The following GRK1 variants were observed in gnomAD, a reference collection of about 807,000 sequenced individuals.
The protein encoded by GRK1 is rhodopsin kinase GRK1.
GRK1 carries 28 observed loss-of-function variants against 41.7 expected under a neutral mutation model. The ratio of observed to expected loss-of-function variants is 0.67; its 90% CI spans 0.50 to 0.92. The LOEUF (loss-of-function observed/expected upper bound fraction) is 0.92. Ranked by LOEUF, GRK1 falls within the 40% of genes least tolerant of loss-of-function variation. GRK1 has a pLI of 0.00. For missense variants in GRK1, 703 were observed against 671.2 expected, an observed-to-expected ratio of 1.05 and a Z score of -0.52; for synonymous variants, 327 against 286.7, an observed-to-expected ratio of 1.14 and a Z score of -1.42.
chr13:113,663,786 G>T (rs2049802348), upstream of GRK1, among the ~76,000 whole-genome samples: 1 of 152,198 alleles, frequency 6.6e-6, no homozygotes, highest in South Asian at 2.1e-4. Context: ...AAACAAGACT[G>T]TGGCAGCGCT....
At chr13:113,728,390 A>T (rs2049909151) in intron 4 of GRK1, among the ~76,000 whole-genome samples, 1 of 136,312 alleles carries the variant, frequency 7.3e-6, no homozygotes, top group Non-Finnish European at 1.5e-5. Context: ...AGGAGTACCC[A>T]TGGCGATGAG....
At chr13:113,656,058 C>T in the GRK1 span, among the ~76,000 whole-genome samples, 1,373 of 152,364 alleles carry the variant, frequency 9.0e-3, 21 homozygotes, top group African/African-American at 0.031. Flanking sequence ...TCCCTGGTGA[C>T]GGCGTTCTTG....
At chr13:113,652,743 G>A in the GRK1 span, 12 of 1,043,944 alleles carry the variant, frequency 1.1e-5, no homozygotes, top group East Asian at 3.1e-4. Flanking sequence ...GTACAGGGTG[G>A]TGAGGCTGGA....
At position 113,731,541 on chromosome 13, in the gene GRK1, C is replaced by A; in HGVS notation, c.1194+198C>A. ...CTGTCTCAGTGGGTGACGCCCCCAG[C>A]CCCTGAGGCCTGCAGGTGGAGGGGC... On this transcript the variant is annotated intron_variant, in intron 5 of 6. Coordinates refer to ENST00000335678, the MANE Select transcript of GRK1 (RefSeq NM_002929.3). This position sits in a 1 kb window ranked among gnomAD's most constrained non-coding sequence, Gnocchi z 5.6. 3.0e-6 allele frequency: 1 copy of A among 330,010 alleles called. No homozygotes were observed. The highest frequency in any genetic ancestry group is 4.3e-6 in the Non-Finnish European group (1 of 230,848). 20.4% of individuals were successfully genotyped at this position (330,010 alleles called of 1,614,324 possible).
the GRK1 span, among the ~76,000 whole-genome samples, chr13:113,655,589 T>C: frequency 1.3e-5 from 2 of 152,210 alleles, no homozygotes; most frequent in African/African-American, 2.4e-5. Context: ...CCCGTGGCCA[T>C]GGGCGGCTCC....
the GRK1 span, among the ~76,000 whole-genome samples, chr13:113,661,777 C>T: frequency 6.6e-5 from 10 of 152,086 alleles, no homozygotes; most frequent in African/African-American, 9.7e-5. Flanking sequence ...ACAACTCACC[C>T]GACTTCAAAT....
At chr13:113,652,506 C>T in the GRK1 span, among the ~76,000 whole-genome samples, 11 of 152,248 alleles carry the variant, frequency 7.2e-5, no homozygotes, top group Admixed American at 7.2e-4. Context: ...GGTTGGAAGC[C>T]TCTGCTTTAG....
rs1038787433 is a variant in GRK1 at position 113,667,797 on chromosome 13, G to A, written c.411G>A (p.Gly137=). The part of the protein sequence containing the change: ...DEGIVAKFKE[G]PVEIQDGLFQ... Reference sequence around the variant, plus strand: ...GGATAGTGGCGAAGTTTAAGGAGGGGCCTGTGGAGATCCAGGACGGGCTCT... The same window carrying A: ...GGATAGTGGCGAAGTTTAAGGAGGGACCTGTGGAGATCCAGGACGGGCTCT... The change falls in exon 1 of 7, where the codon GGG becomes GGA. Residue 137 remains glycine (G), a synonymous_variant. Coordinates refer to ENST00000335678, the MANE Select transcript of GRK1 (RefSeq NM_002929.3). The surrounding 1 kb of genome is among the most constrained non-coding windows in gnomAD (Gnocchi z 7.5). The A allele has an allele frequency of 6.8e-6, 11 of 1,608,346 alleles. No homozygotes were observed. The highest frequency in any genetic ancestry group is 9.4e-6 in the Non-Finnish European group (11 of 1,176,170).
At chr13:113,660,354 A>C in the GRK1 span, among the ~76,000 whole-genome samples, 1 of 152,054 alleles carries the variant, frequency 6.6e-6, no homozygotes, top group Admixed American at 6.5e-5. Flanking sequence ...ACTGCTACCC[A>C]CCCACCCAAC....
intron 4 of GRK1, among the ~76,000 whole-genome samples, chr13:113,727,400 G>A (rs2049896049): frequency 6.6e-6 from 1 of 152,282 alleles, no homozygotes; most frequent in East Asian, 1.9e-4. Flanking sequence ...TGTGGCCTGT[G>A]GTCTGTGATC....
At chr13:113,651,826 C>G in the GRK1 span, 15 of 1,421,118 alleles carry the variant, frequency 1.1e-5, no homozygotes, top group South Asian at 2.7e-5. Flanking sequence ...CGGCCCCAGC[C>G]TGGGCTTTCT....
At chr13:113,732,147 G>T (rs543409646) in intron 5 of GRK1, among the ~76,000 whole-genome samples, 32 of 152,300 alleles carry the variant, frequency 2.1e-4, no homozygotes, top group African/African-American at 7.2e-4. Flanking sequence ...GGGGGTGGCC[G>T]CACGGAGCCA....
the GRK1 span, chr13:113,649,659 G>A: frequency 1.8e-6 from 2 of 1,141,000 alleles, no homozygotes; most frequent in South Asian, 1.9e-5. The surrounding 1 kb of genome is among the most constrained non-coding windows in gnomAD (Gnocchi z 4.7). Context: ...TGTAAGACTG[G>A]CCCTGACCGA....
At chr13:113,670,605 G>A (rs986055992) in intron 2 of GRK1, among the ~76,000 whole-genome samples, 1 of 152,134 alleles carries the variant, frequency 6.6e-6, no homozygotes, top group Admixed American at 6.5e-5. Flanking sequence ...TTTCAGATGA[G>A]AAATGTGAGT....
At chr13:113,728,450 G>GTGA (rs1379373104) in intron 4 of GRK1, among the ~76,000 whole-genome samples, 19 of 146,126 alleles carry the variant, frequency 1.3e-4, no homozygotes, top group African/African-American at 4.9e-4. Context: ...AGTACCCATG[G>GTGA]CGAGGAGTAC....
Position 113,668,023 on chromosome 13 carries a change from G to T in GRK1, c.637G>T (p.Gly213Cys). ...GTCGGCCTGCCAGATGAAGGCGACC[G>T]GCAAGCTGTATGCCTGCAAGAAGCT... Reference protein sequence around the residue: ...EVSACQMKATGKLYACKKLNK... With the variant: ...EVSACQMKATCKLYACKKLNK... Residue 213 changes from glycine (G) to cysteine (C), a missense_variant, in exon 1 of 7, where the codon GGC (glycine) becomes TGC (cysteine). Transcript: ENST00000335678. The T allele has an allele frequency of 6.2e-7, 1 of 1,611,608 alleles. No homozygotes were observed. The highest frequency in any genetic ancestry group is 1.1e-5 in the South Asian group (1 of 90,694).
At chr13:113,656,667 T>C in the GRK1 span, among the ~76,000 whole-genome samples, 1 of 152,214 alleles carries the variant, frequency 6.6e-6, no homozygotes, top group Non-Finnish European at 1.5e-5. Flanking sequence ...TTAGTAAGAA[T>C]AACGTGTCCT....
upstream of GRK1, among the ~76,000 whole-genome samples, chr13:113,665,937 G>GC (rs758810197): frequency 7.4e-4 from 98 of 132,446 alleles, no homozygotes; most frequent in Admixed American, 1.2e-3. Flanking sequence ...TCTCAGGTGT[G>GC]CCCCCCAGTG....
chr13:113,734,996 G>A (rs2049991950), intron 6 of GRK1, 72 bp from the exon 7 acceptor site: 3 of 1,390,534 alleles, frequency 2.2e-6, no homozygotes, highest in Non-Finnish European at 1.9e-6. Flanking sequence ...ATGGGGGAGG[G>A]GGCTTTTTGG....
Sources: allele counts gnomAD v4.1 joint callset (sites outside exome capture counted in the v4.1 genomes callset), GRCh38; gene constraint gnomAD v4.1.1; non-coding constraint Gnocchi (gnomAD v3.1); transcripts MANE v1.5; gene names NCBI Gene and HGNC (gene_info 2026-07-23, HGNC 2026-07-21).